The following TGM3 variants were observed in gnomAD, a reference collection of about 807,000 sequenced individuals.
TGM3 encodes protein-glutamine gamma-glutamyltransferase E.
TGM3 carries 52 observed loss-of-function variants against 73.8 expected under a neutral mutation model. The observed-to-expected ratio is 0.70, with a 90% CI of 0.56 to 0.89. TGM3 has a LOEUF of 0.89. Among genes scored for constraint, TGM3 ranks in the 40% least tolerant of loss-of-function variants. The pLI, the probability that TGM3 is intolerant of heterozygous loss-of-function variation, is 0.00. For synonymous variants in TGM3, 372 were observed against 354.9 expected, an observed-to-expected ratio of 1.05 and a Z score of -0.54; for missense variants, 928 against 909.9, an observed-to-expected ratio of 1.02 and a Z score of -0.26.
At chr20:2,330,962 T>C (rs377674527) in intron 9 of TGM3, among the ~76,000 whole-genome samples, 5 of 122,418 alleles carry the variant, frequency 4.1e-5, no homozygotes, top group African/African-American at 1.6e-4. Flanking sequence ...GTTGAGATCA[T>C]GCCACTGCAC....
intron 10 of TGM3, among the ~76,000 whole-genome samples, chr20:2,333,887 C>T (rs190015765): frequency 4.5e-4 from 68 of 152,310 alleles, no homozygotes; most frequent in Admixed American, 3.1e-3. Context: ...AGGTCACTGA[C>T]GGTGAGGGTT....
At chr20:2,296,588 CTAAG>C (rs2084109346) in intron 1 of TGM3, among the ~76,000 whole-genome samples, 1 of 151,986 alleles carries the variant, frequency 6.6e-6, no homozygotes, top group Non-Finnish European at 1.5e-5. Flanking sequence ...AGGAATGCTC[CTAAG>C]TAAGCTACAC....
rs1317661000 is a variant in TGM3, at chr20:2,317,431, A to G, written c.929A>G (p.Asp310Gly). Residue 310 changes from aspartate to glycine, a missense_variant, in exon 7 of 13, where the codon GAT becomes GGT. Asp to Gly is a moderately conservative substitution (Grantham distance 94). Transcript: ENST00000381458. ...AHDTDRNLSV[D>G]VYYDPMGNPL... ...GACACAGACCGAAATCTCAGTGTGG[A>G]TGTGTACTACGACCCCATGGGAAAC... 1 of 1,614,212 alleles carries G rather than the reference A, an allele frequency of 6.2e-7. No homozygotes were observed.
intron 1 of TGM3, among the ~76,000 whole-genome samples, chr20:2,299,469 A>G (rs1469603122): frequency 6.6e-6 from 1 of 152,058 alleles, no homozygotes; most frequent in Non-Finnish European, 1.5e-5. Context: ...CTGCAGATGG[A>G]GCAATCATTC....
chr20:2,298,714 T>A (rs1015929832), intron 1 of TGM3, among the ~76,000 whole-genome samples: 1 of 152,204 alleles, frequency 6.6e-6, no homozygotes, highest in African/African-American at 2.4e-5. Flanking sequence ...GGAATTGCTC[T>A]TGGGTTCTGG....
Position 2,332,231 on chromosome 20 carries a change from C to T in TGM3, c.1563C>T (p.Ala521=). The T allele has an allele frequency of 1.2e-6, 2 of 1,614,006 alleles. No homozygotes were observed. Among genetic ancestry groups the T allele is most frequent in the Non-Finnish European group, 1.7e-6 (2 of 1,179,970 alleles). The change falls in exon 10 of 13, where the codon GCC becomes GCT. Residue 521 remains alanine (A), a synonymous_variant. Coordinates refer to ENST00000381458, the MANE Select transcript of TGM3 (RefSeq NM_003245.4). The surrounding 1 kb of genome is among the most constrained non-coding windows in gnomAD (Gnocchi z 4.4). ...AGACAGTGACAGTGAACATGACAGC[C>T]TGGACCATCATCTACAACGGCACGC... The part of the protein sequence containing the change: ...DTKTVTVNMT[A]WTIIYNGTLV...
At chr20:2,308,879 C>CTT (rs11308962) in intron 1 of TGM3, among the ~76,000 whole-genome samples, 50 of 142,546 alleles carry the variant, frequency 3.5e-4, no homozygotes, top group African/African-American at 7.7e-4. Flanking sequence ...CCCTTCAGTT[C>CTT]TTTTTTTTTT....
In TGM3 at chr20:2,328,269, T is replaced by C; in HGVS notation, c.1237T>C (p.Ser413Pro). The C allele has an allele frequency of 6.2e-7, 1 of 1,614,082 alleles. No homozygotes were observed. Among genetic ancestry groups the C allele is most frequent in the Non-Finnish European group, 8.5e-7 (1 of 1,180,024 alleles). ...CACCACTGGCAAACAGTGGAAGAAT[T>C]CCGTGAACAGTCACACCATTGGCAG... is the stretch of plus-strand genomic sequence containing the variant. ...DNTTGKQWKNSVNSHTIGRYI... is the reference protein window; with the variant it reads ...DNTTGKQWKNPVNSHTIGRYI... The change falls in exon 9 of 13, where the codon TCC (serine) becomes CCC (proline). Residue 413 changes from serine (S) to proline (P), a missense_variant. Ser to Pro is a moderately conservative substitution (Grantham distance 74). Transcript: ENST00000381458. The surrounding 1 kb of genome is among the most constrained non-coding windows in gnomAD (Gnocchi z 5.2).
chr20:2,299,545 G>A (rs1175556889), intron 1 of TGM3, among the ~76,000 whole-genome samples: 1 of 152,210 alleles, frequency 6.6e-6, no homozygotes, highest in African/African-American at 2.4e-5. Flanking sequence ...GCTTAGCAGT[G>A]GAGGGCACAA....
Position 2,317,094 on chromosome 20 carries a change from G to A in TGM3, c.696G>A (p.Val232=), listed in dbSNP as rs765825016. The A allele has an allele frequency of 1.2e-6, 2 of 1,614,000 alleles. No homozygotes were observed. The highest frequency in any genetic ancestry group is 2.2e-5 in the South Asian group (2 of 91,074). The change falls in exon 6 of 13, where the codon GTG becomes GTA. Residue 232 remains valine (V), a synonymous_variant. Transcript: ENST00000381458. ...TCAATAGCAATGATGACAATGGTGT[G>A]CTTGCTGGGAATTGGAGCGGCACTT... is the stretch of plus-strand genomic sequence containing the variant. The part of the protein sequence containing the change: ...AMINSNDDNG[V]LAGNWSGTYT...
Position 2,325,901 on chromosome 20 carries a change from T to C in TGM3, c.1036T>C (p.Ser346Pro). The C allele has an allele frequency of 6.3e-7, 1 of 1,591,846 alleles. No homozygotes were observed. The highest frequency in any genetic ancestry group is 1.1e-5 in the South Asian group (1 of 87,692). ...GWFVRSDLGP[S>P]YGGWQVLDAT... ...GTTTGTGAGGTCTGACCTGGGCCCC[T>C]CGTACGGTGGATGGCAGGTGTTGGA... is the stretch of plus-strand genomic sequence containing the variant. The change falls in exon 8 of 13, where the codon TCG (serine) becomes CCG (proline). Residue 346 changes from serine (S) to proline (P), a missense_variant. Physicochemically the swap from Ser to Pro is moderately conservative, Grantham distance 74. Coordinates refer to ENST00000381458, the MANE Select transcript of TGM3 (RefSeq NM_003245.4).
Position 2,328,289 on chromosome 20 carries a change from TGGCA to T in TGM3, c.1260_1263del (p.Arg421ThrfsTer66). 1 of 1,614,146 alleles carries T rather than the reference TGGCA, an allele frequency of 6.2e-7. No homozygotes were observed. The highest frequency in any genetic ancestry group is 8.5e-7 in the Non-Finnish European group (1 of 1,180,024). The stretch of plus-strand genomic sequence containing the variant: ...AGAATTCCGTGAACAGTCACACCAT[TGGCA>T]GGTACATCAGCACCAAGGCGGTGGG... On this transcript the variant is annotated frameshift_variant, in exon 9 of 13. Coordinates refer to ENST00000381458, the MANE Select transcript of TGM3 (RefSeq NM_003245.4). LOFTEE classifies it high-confidence loss of function. The surrounding 1 kb of genome is among the most constrained non-coding windows in gnomAD (Gnocchi z 5.2).
Position 2,310,434 on chromosome 20 carries a change from CCA to C in TGM3, c.421+21_421+22del, listed in dbSNP as rs2084197657. 6.2e-7 allele frequency: 1 copy of C among 1,613,312 alleles called. No individual in the cohort carries two copies. The highest frequency in any genetic ancestry group is 8.5e-7 in the Non-Finnish European group (1 of 1,179,524). On this transcript the variant is annotated intron_variant, in intron 3 of 12. Transcript: ENST00000381458. ...GGCTGAATGGTAGGTGTCTAGCCAC[CCA>C]CACTCTCAGCCCTGGCCTAAGCTAG...
At chr20:2,335,689 C>G (rs1213788558) in intron 11 of TGM3, among the ~76,000 whole-genome samples, 1 of 152,312 alleles carries the variant, frequency 6.6e-6, no homozygotes, top group South Asian at 2.1e-4. Context: ...GAATCACAGA[C>G]AGGCACAGGT....
intron 11 of TGM3, among the ~76,000 whole-genome samples, chr20:2,338,891 C>T (rs1025173703): frequency 3.9e-5 from 6 of 152,184 alleles, no homozygotes; most frequent in Admixed American, 2.6e-4. Context: ...GAAGTTGAGG[C>T]GCAAAGAGAT....
rs1233367843 is a variant in TGM3 at position 2,328,517 on chromosome 20, C to G, written c.1333+152C>G. ...TTGCTCCCTAGCACCTAACATCCAC[C>G]TCCCAGGACTGTTTCCGGAGGGAAC... On this transcript the variant is annotated intron_variant, in intron 9 of 12. Coordinates refer to ENST00000381458, the MANE Select transcript of TGM3 (RefSeq NM_003245.4). The surrounding 1 kb of genome is among the most constrained non-coding windows in gnomAD (Gnocchi z 5.2). 8.8e-7 allele frequency: 1 copy of G among 1,141,508 alleles called. No individual in the cohort carries two copies. The highest frequency in any genetic ancestry group is 1.2e-6 in the Non-Finnish European group (1 of 819,100). The allele number at this position is 1,141,508 out of a possible 1,614,324, so 70.7% of individuals were successfully genotyped here. A position where few individuals can be genotyped will look rare whatever the true frequency, so the allele number is the denominator to read the frequency against.
chr20:2,321,793 C>T (rs930613100), intron 7 of TGM3, among the ~76,000 whole-genome samples: 6 of 152,236 alleles, frequency 3.9e-5, no homozygotes, highest in Admixed American at 1.3e-4. Flanking sequence ...TTCCACATGG[C>T]GCCACTGGGC....
rs982932897 is a variant in TGM3 at position 2,340,760 on chromosome 20, G to A, written c.*179G>A. ...CTCTCCTCTCCCCCAGGTTGGGGCT[G>A]GGTCCACCCTGTCCTATGACTTGAT... On this transcript the variant is annotated 3_prime_UTR_variant, in exon 13 of 13. Coordinates refer to ENST00000381458, the MANE Select transcript of TGM3 (RefSeq NM_003245.4). 4.9e-6 allele frequency: 4 copies of A among 812,588 alleles called. No individual in the cohort carries two copies. The Admixed American group carries it at 8.1e-5, about 16-fold the overall frequency. 50.3% of individuals were successfully genotyped at this position (812,588 alleles called of 1,614,324 possible). A position where few individuals can be genotyped will look rare whatever the true frequency, so the allele number is the denominator to read the frequency against.
At chr20:2,326,438 G>A (rs2122238633) in intron 8 of TGM3, among the ~76,000 whole-genome samples, 1 of 152,360 alleles carries the variant, frequency 6.6e-6, no homozygotes, top group Non-Finnish European at 1.5e-5. Context: ...TCTGTCTCCT[G>A]CCCCATCAGG....
Sources: allele counts gnomAD v4.1 joint callset (sites outside exome capture counted in the v4.1 genomes callset), GRCh38; gene constraint gnomAD v4.1.1; non-coding constraint Gnocchi (gnomAD v3.1); transcripts MANE v1.5; gene names NCBI Gene and HGNC (gene_info 2026-07-23, HGNC 2026-07-21).